The following EFCAB6 variants were observed in gnomAD, a reference collection of about 807,000 sequenced individuals.
EFCAB6 encodes the protein EF-hand calcium binding domain 6, also known as EF-hand calcium-binding domain-containing protein 6.
EFCAB6 carries 156 observed loss-of-function variants against 169.8 expected under a neutral mutation model. The ratio of observed to expected loss-of-function variants is 0.92; its 90% CI spans 0.81 to 1.05. EFCAB6 has a LOEUF of 1.05. EFCAB6 is among the 50% of genes least tolerant of loss of function. EFCAB6 has a pLI of 0.00. For synonymous variants in EFCAB6, 698 were observed against 676.4 expected, an observed-to-expected ratio of 1.03 and a Z score of -0.50; for missense variants, 1,800 against 1,829.1, an observed-to-expected ratio of 0.98 and a Z score of 0.29.
intron 6 of EFCAB6, among the ~76,000 whole-genome samples, chr22:43,754,564 T>C (rs1170324784): frequency 6.6e-6 from 1 of 152,210 alleles, no homozygotes; most frequent in East Asian, 1.9e-4. Context: ...GTTTCAACTC[T>C]TAGCAGGGGG....
Position 43,741,470 on chromosome 22 carries a change from G to A in EFCAB6, c.508-5477C>T, listed in dbSNP as rs571557714. ...TGAGGCCTTCCTCACTCGCTTACTT[G>A]AAAGCGCGCCTTCATACTCTGCTGA... On this transcript the variant is annotated intron_variant, in intron 6 of 31. Coordinates refer to ENST00000262726, the MANE Select transcript of EFCAB6 (RefSeq NM_022785.4). Among the ~76,000 whole-genome samples the A allele has an allele frequency of 4.6e-5, 7 of 152,266 alleles. No individual in the cohort carries two copies. In the East Asian group the frequency reaches 1.4e-3, roughly 29 times the overall value.
chr22:43,733,256 C>T (rs896111198), intron 7 of EFCAB6, among the ~76,000 whole-genome samples: 2 of 152,194 alleles, frequency 1.3e-5, no homozygotes, highest in African/African-American at 2.4e-5. Context: ...AAGGGTATGA[C>T]TCCAATCAGC....
intron 22 of EFCAB6, among the ~76,000 whole-genome samples, 188 bp downstream of exon 22, chr22:43,608,294 A>G (rs1279626244): frequency 6.6e-6 from 1 of 152,148 alleles, no homozygotes; most frequent in Non-Finnish European, 1.5e-5. Context: ...CCATCCACCA[A>G]GGCTGCTTGC....
rs41376349 is a variant in EFCAB6 at position 43,700,374 on chromosome 22, T to G, written c.1031+11101A>C. Among the ~76,000 whole-genome samples the G allele has an allele frequency of 2.5e-3, 382 of 152,326 alleles. 6 individuals carry two copies. The highest frequency in any genetic ancestry group is 0.018 in the East Asian group (93 of 5,186). ...TAAGAATAGGCACTCTCAAATCATT[T>G]TGTTAGGCATAAGATTTTAGATTTT... On this transcript the variant is annotated intron_variant, in intron 10 of 31. Coordinates refer to ENST00000262726, the MANE Select transcript of EFCAB6 (RefSeq NM_022785.4).
chr22:43,665,011 C>G (rs2057180380), intron 17 of EFCAB6, among the ~76,000 whole-genome samples: 1 of 151,956 alleles, frequency 6.6e-6, no homozygotes, highest in South Asian at 2.1e-4. Flanking sequence ...AGCCAACAGG[C>G]TTTGTTGGTG....
At position 43,635,228 on chromosome 22, in the gene EFCAB6, G is replaced by C; in HGVS notation, c.1984-12C>G. The C allele has an allele frequency of 1.2e-6, 2 of 1,606,160 alleles. No individual in the cohort carries two copies. Among genetic ancestry groups the C allele is most frequent in the Non-Finnish European group, 1.7e-6 (2 of 1,172,758 alleles). The stretch of plus-strand genomic sequence containing the variant: ...GTGTCTTCCAGTACCTGACGAGGGA[G>C]ACAGGGGAGGGTGGAGAGGCGTTAG... On this transcript the variant is annotated splice_polypyrimidine_tract_variant and intron_variant, in intron 17 of 31. Coordinates refer to ENST00000262726, the MANE Select transcript of EFCAB6 (RefSeq NM_022785.4).
intron 17 of EFCAB6, among the ~76,000 whole-genome samples, chr22:43,658,629 G>A (rs976221252): frequency 6.6e-6 from 1 of 152,200 alleles, no homozygotes; most frequent in Non-Finnish European, 1.5e-5. Context: ...GGTCAGCTGA[G>A]GCTGTGGCTG....
chr22:43,556,288 G>T (rs982594129), intron 26 of EFCAB6, among the ~76,000 whole-genome samples: 3 of 152,132 alleles, frequency 2.0e-5, no homozygotes, highest in Non-Finnish European at 2.9e-5. Context: ...TCAGAGGAAG[G>T]CTCCCAAAGC....
At chr22:43,753,134 A>G (rs1167276969) in intron 6 of EFCAB6, among the ~76,000 whole-genome samples, 1 of 152,222 alleles carries the variant, frequency 6.6e-6, no homozygotes, top group African/African-American at 2.4e-5. Flanking sequence ...CCAGCAGCAG[A>G]GGCAGGGTTT....
chr22:43,695,410 C>A (rs1308614497), intron 10 of EFCAB6, among the ~76,000 whole-genome samples: 2 of 151,854 alleles, frequency 1.3e-5, no homozygotes, highest in Non-Finnish European at 2.9e-5. Flanking sequence ...GTTAAAGTGG[C>A]AAATGGCAAT....
At chr22:43,802,790 T>C (rs1359385674) in intron 2 of EFCAB6, 4 of 504,776 alleles carry the variant, frequency 7.9e-6, no homozygotes, top group Non-Finnish European at 1.6e-5. Flanking sequence ...TGTGTGCATT[T>C]TTAATAACTG....
intron 6 of EFCAB6, among the ~76,000 whole-genome samples, chr22:43,741,223 G>A (rs1232264552): frequency 6.6e-6 from 1 of 152,032 alleles, no homozygotes; most frequent in Non-Finnish European, 1.5e-5. Context: ...ACGGTCTCCG[G>A]GCTCTGGGCT....
chr22:43,534,446 A>G (rs1247080313), intron 30 of EFCAB6, among the ~76,000 whole-genome samples: 1 of 152,176 alleles, frequency 6.6e-6, no homozygotes, highest in Admixed American at 6.5e-5. Context: ...AAAATGGACT[A>G]ATACATCCCA....
chr22:43,589,655 G>T (rs570584831), intron 24 of EFCAB6, among the ~76,000 whole-genome samples: 2 of 152,176 alleles, frequency 1.3e-5, no homozygotes, highest in Non-Finnish European at 2.9e-5. Flanking sequence ...AGGCGTGGTG[G>T]TGTACACCTG....
intron 10 of EFCAB6, among the ~76,000 whole-genome samples, chr22:43,700,089 G>A (rs1040288479): frequency 1.3e-5 from 2 of 152,100 alleles, no homozygotes; most frequent in South Asian, 2.1e-4. Context: ...ACATTGAAAC[G>A]CACACCATGT....
At chr22:43,608,811 G>A (rs368385898) in intron 21 of EFCAB6, among the ~76,000 whole-genome samples, 4 of 152,212 alleles carry the variant, frequency 2.6e-5, no homozygotes, top group Non-Finnish European at 4.4e-5. Context: ...GGGGTCGGAA[G>A]GGGGTGGTTT....
chr22:43,558,837 T>A (rs2048859632), intron 26 of EFCAB6, among the ~76,000 whole-genome samples: 1 of 152,228 alleles, frequency 6.6e-6, no homozygotes, highest in African/African-American at 2.4e-5. Flanking sequence ...TTTATATGCA[T>A]CAGTAAATCA....
intron 17 of EFCAB6, among the ~76,000 whole-genome samples, chr22:43,655,010 C>T (rs2148093779): frequency 6.6e-6 from 1 of 152,298 alleles, no homozygotes; most frequent in Middle Eastern, 3.4e-3. Context: ...ATAATCTTAG[C>T]ACTTTGGGAG....
At chr22:43,794,061 G>A (rs1603380913) in intron 2 of EFCAB6, among the ~76,000 whole-genome samples, 2 of 152,198 alleles carry the variant, frequency 1.3e-5, no homozygotes, top group Admixed American at 6.5e-5. Flanking sequence ...CAGACAAACT[G>A]ACTCTCTGGG....
Sources: gnomAD v4.1 joint callset for allele counts (sites outside exome capture counted in the v4.1 genomes callset) on GRCh38, gnomAD v4.1.1 for gene constraint, MANE v1.5 for transcripts, NCBI Gene and HGNC (gene_info 2026-07-23, HGNC 2026-07-21) for gene names.